Variants in TBC1D14 observed in about 807,000 individuals in gnomAD.
TBC1D14 encodes the protein TBC1 domain family member 14.
A neutral mutation model predicts 79.0 loss-of-function variants in TBC1D14; 26 were observed. That is an observed-to-expected ratio of 0.33 (90% CI 0.24 to 0.46). The LOEUF (loss-of-function observed/expected upper bound fraction) is 0.46, where lower values mean the gene tolerates loss of function less well. TBC1D14 is among the 20% of genes least tolerant of loss of function. The pLI is 1.00. For missense variants in TBC1D14, 769 were observed against 887.6 expected (o/e 0.87, Z 1.70); for synonymous variants, 394 against 349.9 (o/e 1.13, Z -1.40).
At chr4:7,012,266 C>T (rs1027710684) in intron 11 of TBC1D14, among the ~76,000 whole-genome samples, 1 of 148,806 alleles carries the variant, frequency 6.7e-6, no homozygotes, top group Non-Finnish European at 1.5e-5. Context: ...TGCGCCACTG[C>T]ACTCCAGCCT....
chr4:7,000,053 C>A (rs898265364), intron 6 of TBC1D14, among the ~76,000 whole-genome samples: 1 of 152,164 alleles, frequency 6.6e-6, no homozygotes, highest in Non-Finnish European at 1.5e-5. Flanking sequence ...AGGGGTCACG[C>A]GGCCCTGCTC....
At chr4:7,000,869 G>T (rs1478482675) in intron 6 of TBC1D14, among the ~76,000 whole-genome samples, 1 of 152,190 alleles carries the variant, frequency 6.6e-6, no homozygotes, top group East Asian at 1.9e-4. Flanking sequence ...CATGTGCTCA[G>T]GTCATTCAGA....
At chr4:6,951,437 G>A (rs1399699277) in intron 2 of TBC1D14, among the ~76,000 whole-genome samples, 1 of 152,140 alleles carries the variant, frequency 6.6e-6, no homozygotes, top group Non-Finnish European at 1.5e-5. Flanking sequence ...AGGCTGATGG[G>A]GGAGGATTGC....
At chr4:6,976,898 C>G (rs1241903587) in intron 3 of TBC1D14, among the ~76,000 whole-genome samples, 1 of 151,924 alleles carries the variant, frequency 6.6e-6, no homozygotes, top group Non-Finnish European at 1.5e-5. Flanking sequence ...ACTTAAAACA[C>G]CATAAATATA....
At chr4:6,999,631 C>G (rs1364359219) in intron 6 of TBC1D14, among the ~76,000 whole-genome samples, 1 of 152,100 alleles carries the variant, frequency 6.6e-6, no homozygotes, top group African/African-American at 2.4e-5. Flanking sequence ...GGTGTTGCTC[C>G]TTTTAAACCT....
At chr4:7,005,114 A>C (rs572342417) in intron 8 of TBC1D14, among the ~76,000 whole-genome samples, 190 bp downstream of exon 8, 9 of 152,200 alleles carry the variant, frequency 5.9e-5, no homozygotes, top group Admixed American at 1.3e-4. Context: ...TTTTATAAGA[A>C]ATTGGCCGGG....
chr4:6,929,729 G>A (rs1711552022), intron 2 of TBC1D14, among the ~76,000 whole-genome samples: 1 of 152,236 alleles, frequency 6.6e-6, no homozygotes, highest in Non-Finnish European at 1.5e-5. Flanking sequence ...TAAGATGAAA[G>A]TCTGCACAGG....
At chr4:7,014,383 G>A (rs1182756486) in intron 11 of TBC1D14, 65 bp from the exon 12 acceptor site, 1 of 1,046,950 alleles carries the variant, frequency 9.6e-7, no homozygotes, top group Non-Finnish European at 1.5e-6. Context: ...TACATATATT[G>A]ACTTTTTTGT....
intron 2 of TBC1D14, among the ~76,000 whole-genome samples, chr4:6,935,751 C>T (rs901460250): frequency 1.3e-5 from 2 of 151,812 alleles, no homozygotes; most frequent in African/African-American, 2.4e-5. Context: ...TCGAGCGATT[C>T]TCCTGCCACA....
intron 3 of TBC1D14, among the ~76,000 whole-genome samples, chr4:6,972,347 A>T (rs374800179): frequency 6.6e-6 from 1 of 152,188 alleles, no homozygotes; most frequent in South Asian, 2.1e-4. Context: ...ACCTGTTTCA[A>T]GTGACTGTCA....
At chr4:6,937,662 T>A (rs1461061079) in intron 2 of TBC1D14, among the ~76,000 whole-genome samples, 1 of 152,176 alleles carries the variant, frequency 6.6e-6, no homozygotes, top group Non-Finnish European at 1.5e-5. Context: ...CCAGCCATGT[T>A]TTTTGCACAG....
At chr4:6,990,127 T>C (rs1718337872) in intron 3 of TBC1D14, among the ~76,000 whole-genome samples, 1 of 152,254 alleles carries the variant, frequency 6.6e-6, no homozygotes, top group African/African-American at 2.4e-5. Context: ...ACTGATCTGC[T>C]GCTAGAACTT....
At position 7,004,449 on chromosome 4, in the gene TBC1D14, C is replaced by A. The variant is rs141828955; in HGVS notation, c.1271-395C>A. Among the ~76,000 whole-genome samples the A allele has an allele frequency of 2.4e-3, 372 of 152,316 alleles. 1 individual carries two copies. The highest frequency in any genetic ancestry group is 4.2e-3 in the Non-Finnish European group (286 of 68,040). On this transcript the variant is annotated intron_variant, in intron 7 of 13. Transcript: ENST00000409757. The stretch of plus-strand genomic sequence containing the variant: ...TCCCTCCCTCGGTCATTGAGACATT[C>A]CTTGATTGGGTTGCTCTGTGTCAAT...
At chr4:7,016,507 C>A (rs1444280204) in intron 12 of TBC1D14, among the ~76,000 whole-genome samples, 1 of 152,186 alleles carries the variant, frequency 6.6e-6, no homozygotes, top group Non-Finnish European at 1.5e-5. Flanking sequence ...TTAGCTTCTC[C>A]CTTATCTGTT....
intron 1 of TBC1D14, among the ~76,000 whole-genome samples, chr4:6,914,264 G>T (rs1178441175): frequency 1.3e-5 from 2 of 152,234 alleles, no homozygotes; most frequent in East Asian, 3.9e-4. Context: ...TTTCTGCCTG[G>T]TTTGCCGAAA....
At chr4:6,914,677 C>A (rs1192011215) in intron 1 of TBC1D14, among the ~76,000 whole-genome samples, 1 of 152,160 alleles carries the variant, frequency 6.6e-6, no homozygotes, top group Non-Finnish European at 1.5e-5. Context: ...GGAGCGGAGG[C>A]AGCTAGCTGG....
In TBC1D14 at chr4:6,954,143, G is replaced by A. The variant is rs549290566; in HGVS notation, c.723-13161G>A. 35 of 615,838 alleles carry A rather than the reference G, an allele frequency of 5.7e-5. No homozygotes were observed. In the East Asian group the frequency reaches 8.9e-4, roughly 16 times the overall value. 38.1% of individuals were successfully genotyped at this position (615,838 alleles called of 1,614,324 possible). Reference sequence around the variant, plus strand: ...CCCCCGCCTTTCCGCCGGCCTGCTGGGTCCAGCTTGCCTTCATCTGGCAGA... The same window carrying A: ...CCCCCGCCTTTCCGCCGGCCTGCTGAGTCCAGCTTGCCTTCATCTGGCAGA... On this transcript the variant is annotated intron_variant, in intron 2 of 13. Transcript: ENST00000409757.
chr4:7,021,464 G>A (rs954931422), intron 12 of TBC1D14, among the ~76,000 whole-genome samples: 1 of 152,066 alleles, frequency 6.6e-6, no homozygotes, highest in African/African-American at 2.4e-5. Flanking sequence ...CGGTGTGGTG[G>A]TGTGTGCCTG....
At chr4:6,910,271 G>C (rs563596406) in intron 1 of TBC1D14, 4 of 152,264 alleles carry the variant, frequency 2.6e-5, no homozygotes, top group Admixed American at 1.3e-4. Flanking sequence ...ACTCCGACGC[G>C]AGGCTCCCGG....
Sources: gnomAD v4.1 joint callset for allele counts (sites outside exome capture counted in the v4.1 genomes callset) on GRCh38, gnomAD v4.1.1 for gene constraint, MANE v1.5 for transcripts, NCBI Gene and HGNC (gene_info 2026-07-23, HGNC 2026-07-21) for gene names.